AGTR1: variants seen among roughly 807,000 people sequenced by gnomAD.
The protein encoded by AGTR1 is angiotensin II receptor type 1, also known as type-1 angiotensin II receptor.
AGTR1 carries 16 observed loss-of-function variants against 19.4 expected under a neutral mutation model. The ratio of observed to expected loss-of-function variants is 0.82; its 90% CI spans 0.56 to 1.25. The LOEUF is 1.25. Ranked by LOEUF, AGTR1 falls within the 50% of genes most tolerant of loss-of-function variation. AGTR1 has a pLI of 0.00. For synonymous variants in AGTR1, 153 were observed against 154.9 expected, an observed-to-expected ratio of 0.99 and a Z score of 0.09; for missense variants, 373 against 431.9, an observed-to-expected ratio of 0.86 and a Z score of 1.21.
At chr3:148,740,925 T>C in intron 2 of AGTR1, 64 bp from the exon 3 acceptor site, 1 of 1,407,916 alleles carries the variant, frequency 7.1e-7, no homozygotes, top group South Asian at 1.3e-5. Flanking sequence ...GAAATGAATG[T>C]TTGTTAGTTT....
chr3:148,719,289 A>G (rs993718976), intron 2 of AGTR1, among the ~76,000 whole-genome samples: 4 of 127,684 alleles, frequency 3.1e-5, no homozygotes, highest in Non-Finnish European at 4.6e-5. Context: ...CACATATTTC[A>G]TAGGAAAAAA....
chr3:148,730,340 A>G (rs1714178760), intron 2 of AGTR1: 1 of 393,630 alleles, frequency 2.5e-6, no homozygotes, highest in Non-Finnish European at 4.5e-6. Context: ...CTTCTCAGGT[A>G]GATCTTAGTT....
chr3:148,736,859 A>C (rs1213407798), intron 2 of AGTR1, among the ~76,000 whole-genome samples: 1 of 152,218 alleles, frequency 6.6e-6, no homozygotes, highest in Non-Finnish European at 1.5e-5. Flanking sequence ...GGATCCTCCT[A>C]TGTTTTTAAT....
At chr3:148,712,080 G>A (rs1176802622) in intron 2 of AGTR1, among the ~76,000 whole-genome samples, 1 of 152,000 alleles carries the variant, frequency 6.6e-6, no homozygotes, top group African/African-American at 2.4e-5. Context: ...AATTGAAAGA[G>A]CTCAAAGAAA....
Position 148,742,030 on chromosome 3 carries a change from C to T in AGTR1, c.995C>T (p.Thr332Ile), listed in dbSNP as rs1714938953. 8 of 1,613,818 alleles carry T rather than the reference C, an allele frequency of 5.0e-6. No homozygotes were observed. The East Asian group carries it at 1.6e-4, about 31-fold the overall frequency. ...GCCAAATCCCACTCAAACCTTTCAA[C>T]AAAAATGAGCACGCTTTCCTACCGC... ...PKAKSHSNLSTKMSTLSYRPS... is the reference protein window; with the variant it reads ...PKAKSHSNLSIKMSTLSYRPS... Residue 332 changes from threonine to isoleucine, a missense_variant, in exon 3 of 3, where the codon ACA becomes ATA. Coordinates refer to ENST00000349243, the MANE Select transcript of AGTR1 (RefSeq NM_000685.5).
intron 2 of AGTR1, chr3:148,730,168 A>G (rs1283406360): frequency 5.0e-6 from 2 of 398,206 alleles, no homozygotes; most frequent in Non-Finnish European, 8.9e-6. Context: ...TATTATTATC[A>G]TCATTTTCCA....
In AGTR1 at chr3:148,741,611, G is replaced by A. The variant is rs766645736; in HGVS notation, c.576G>A (p.Pro192=). ...FHYESQNSTL[P]IGLGLTKNIL... ...ATGAGTCCCAAAATTCAACCCTCCCGATAGGGCTGGGCCTGACCAAAAATA... is the reference window on the plus strand; with the variant it reads ...ATGAGTCCCAAAATTCAACCCTCCCAATAGGGCTGGGCCTGACCAAAAATA... Residue 192 remains proline, a synonymous_variant, in exon 3 of 3, where the codon CCG becomes CCA. Coordinates refer to ENST00000349243, the MANE Select transcript of AGTR1 (RefSeq NM_000685.5). The A allele has an allele frequency of 4.1e-5, 66 of 1,613,908 alleles. No individual in the cohort carries two copies. The highest frequency in any genetic ancestry group is 3.3e-4 in the Middle Eastern group (2 of 6,084).
chr3:148,741,304 T>C lies in AGTR1; in HGVS notation c.269T>C (p.Met90Thr). 6.2e-7 allele frequency: 1 copy of C among 1,612,190 alleles called. No homozygotes were observed. Among genetic ancestry groups the C allele is most frequent in the Non-Finnish European group, 8.5e-7 (1 of 1,180,026 alleles). ...CCACTATGGGCTGTCTACACAGCTA[T>C]GGAATACCGCTGGCCCTTTGGCAAT... ...TLPLWAVYTA[M>T]EYRWPFGNYL... The change falls in exon 3 of 3, where the codon ATG becomes ACG. Residue 90 changes from methionine (M) to threonine (T), a missense_variant. Coordinates refer to ENST00000349243, the MANE Select transcript of AGTR1 (RefSeq NM_000685.5).
intron 1 of AGTR1, among the ~76,000 whole-genome samples, chr3:148,707,491 T>G (rs923444278): frequency 6.6e-6 from 1 of 152,208 alleles, no homozygotes; most frequent in Admixed American, 6.5e-5. Flanking sequence ...TTTAAAAAGG[T>G]ATTTTTTAAA....
At chr3:148,729,104 A>G (rs575896754) in intron 2 of AGTR1, among the ~76,000 whole-genome samples, 94 of 152,334 alleles carry the variant, frequency 6.2e-4, no homozygotes, top group African/African-American at 2.2e-3. Flanking sequence ...ATTATAGTTC[A>G]GGACAAGTGG....
intron 2 of AGTR1, among the ~76,000 whole-genome samples, chr3:148,714,677 TC>T (rs2107939095): frequency 6.6e-6 from 1 of 152,282 alleles, no homozygotes; most frequent in South Asian, 2.1e-4. Context: ...CTGCAGATTT[TC>T]CCAGGAAACC....
chr3:148,735,773 G>C (rs1253152788), intron 2 of AGTR1, among the ~76,000 whole-genome samples: 1 of 152,058 alleles, frequency 6.6e-6, no homozygotes, highest in African/African-American at 2.4e-5. Context: ...AGAGAGGTGG[G>C]GGAAGCAACA....
At chr3:148,740,463 G>A (rs12721320) in intron 2 of AGTR1, among the ~76,000 whole-genome samples, 11,827 of 152,126 alleles carry the variant, frequency 0.078, 1,557 homozygotes, top group African/African-American at 0.27. Context: ...TCACCTAAAG[G>A]CAGCTATCCT....
intron 2 of AGTR1, chr3:148,730,214 C>G (rs1436329723): frequency 1.3e-5 from 5 of 398,294 alleles, no homozygotes; most frequent in Admixed American, 4.4e-5. Context: ...ACTGACAGTC[C>G]AAAGGCTCCA....
In AGTR1 at chr3:148,716,434, A is replaced by G. The variant is rs1032623290; in HGVS notation, c.-48+8407A>G. On this transcript the variant is annotated intron_variant, in intron 2 of 2. Coordinates refer to ENST00000349243, the MANE Select transcript of AGTR1 (RefSeq NM_000685.5). The surrounding 1 kb of genome is among the most constrained non-coding windows in gnomAD (Gnocchi z 4.7). The stretch of plus-strand genomic sequence containing the variant: ...CCTAAGGCTGGTTAATAGTACAAAT[A>G]CAGTTATTTATTTATAACTAGTGCA... 4.0e-5 allele frequency among the ~76,000 whole-genome samples: 6 copies of G among 150,584 alleles called. No homozygotes were observed. Among genetic ancestry groups the G allele is most frequent in the Non-Finnish European group, 8.8e-5 (6 of 68,014 alleles).
chr3:148,699,994 C>G (rs1483496453), intron 1 of AGTR1, among the ~76,000 whole-genome samples: 1 of 152,176 alleles, frequency 6.6e-6, no homozygotes, highest in Non-Finnish European at 1.5e-5. Flanking sequence ...TGCAAAATGT[C>G]TTTCAGTCAC....
intron 2 of AGTR1, among the ~76,000 whole-genome samples, chr3:148,733,018 G>A (rs1670609906): frequency 6.6e-6 from 1 of 151,982 alleles, no homozygotes; most frequent in South Asian, 2.1e-4. Context: ...GGGATTACAG[G>A]CGTGAGCCAC....
At chr3:148,721,819 A>G (rs1713654567) in intron 2 of AGTR1, among the ~76,000 whole-genome samples, 2 of 152,192 alleles carry the variant, frequency 1.3e-5, no homozygotes, top group Non-Finnish European at 2.9e-5. Context: ...ACCCAAACGT[A>G]TTAGAGAGAA....
intron 2 of AGTR1, among the ~76,000 whole-genome samples, chr3:148,732,206 A>G (rs1360238847): frequency 3.3e-5 from 5 of 152,346 alleles, no homozygotes; most frequent in African/African-American, 1.2e-4. Flanking sequence ...ATTTTCAACC[A>G]TGTTCCAAAC....
Sources: allele counts gnomAD v4.1 joint callset (sites outside exome capture counted in the v4.1 genomes callset), GRCh38; gene constraint gnomAD v4.1.1; non-coding constraint Gnocchi (gnomAD v3.1); transcripts MANE v1.5; gene names NCBI Gene and HGNC (gene_info 2026-07-23, HGNC 2026-07-21).